The following BACH1 variants were observed in gnomAD, a reference collection of about 807,000 sequenced individuals.
BACH1 encodes the protein transcription regulator protein BACH1.
A neutral mutation model predicts 52.9 loss-of-function variants in BACH1; 35 were observed. That is an observed-to-expected ratio of 0.66 (90% CI 0.51 to 0.88). The LOEUF (loss-of-function observed/expected upper bound fraction) is 0.88. Among genes scored for constraint, BACH1 ranks in the 40% least tolerant of loss-of-function variants. BACH1 has a pLI of 0.00. For synonymous variants in BACH1, 321 were observed against 319.6 expected (o/e 1.00, Z -0.05); for missense variants, 808 against 872.6 (o/e 0.93, Z 0.93).
intron 1 of BACH1, among the ~76,000 whole-genome samples, chr21:29,318,277 A>G (rs1004660396): frequency 6.6e-6 from 1 of 152,160 alleles, no homozygotes; most frequent in South Asian, 2.1e-4. Flanking sequence ...GCTGATGCCG[A>G]TGGAGAGAGG....
chr21:29,304,716 G>A (rs2088636918), intron 1 of BACH1, among the ~76,000 whole-genome samples: 1 of 152,052 alleles, frequency 6.6e-6, no homozygotes, highest in Admixed American at 6.5e-5. Flanking sequence ...CAGGACCCTA[G>A]GGAGGTGTTT....
intron 1 of BACH1, among the ~76,000 whole-genome samples, chr21:29,299,195 CT>C (rs770658456): frequency 6.6e-6 from 1 of 151,640 alleles, no homozygotes; most frequent in East Asian, 1.9e-4. Flanking sequence ...GCCGAACCCC[CT>C]GCACTGCCGG....
downstream of BACH1, among the ~76,000 whole-genome samples, chr21:29,346,662 C>T (rs2089170396): frequency 6.6e-6 from 1 of 152,168 alleles, no homozygotes; most frequent in South Asian, 2.1e-4. Context: ...CAGGACAGCC[C>T]TCACAACAAT....
downstream of BACH1, among the ~76,000 whole-genome samples, chr21:29,349,996 C>T (rs1383961418): frequency 6.6e-6 from 1 of 152,104 alleles, no homozygotes; most frequent in Non-Finnish European, 1.5e-5. Flanking sequence ...ACCAGCCTCT[C>T]CAAAGGCCTA....
chr21:29,358,041 C>T (rs946730628), intron 2 of BACH1, among the ~76,000 whole-genome samples: 8 of 152,174 alleles, frequency 5.3e-5, no homozygotes, highest in Non-Finnish European at 2.9e-5. Flanking sequence ...CTGCCCTTTC[C>T]TTATACTTCC....
chr21:29,342,954 T>C lies in BACH1; in HGVS notation c.*121T>C, dbSNP rs425989. 0.44 allele frequency: 424,019 copies of C among 966,464 alleles called. 96,339 individuals carry two copies. Among genetic ancestry groups the C allele is most frequent in the African/African-American group, 0.62 (37,860 of 60,968 alleles). 59.9% of individuals were successfully genotyped at this position (966,464 alleles called of 1,614,324 possible). On this transcript the variant is annotated 3_prime_UTR_variant, in exon 5 of 5. Transcript: ENST00000286800. ...GTTTTTTTCCTTTAGTAGTTTACCA[T>C]AAGGGAATTTCCTTTAAGTCAACCA...
At chr21:29,304,840 AAGTGT>A in intron 1 of BACH1, among the ~76,000 whole-genome samples, 1 of 152,288 alleles carries the variant, frequency 6.6e-6, no homozygotes, top group African/African-American at 2.4e-5. Context: ...TCATTTTCTA[AAGTGT>A]GCCAGCGTCT....
At chr21:29,359,729 CA>C (rs1045407455) in intron 2 of BACH1, among the ~76,000 whole-genome samples, 1 of 152,068 alleles carries the variant, frequency 6.6e-6, no homozygotes, top group Non-Finnish European at 1.5e-5. Context: ...AAAAAAGCTA[CA>C]TACCTCCCTC....
intron 2 of BACH1, 90 bp from the exon 3 acceptor site, chr21:29,325,969 A>G (rs1415562948): frequency 8.1e-7 from 1 of 1,235,718 alleles, no homozygotes; most frequent in Non-Finnish European, 1.1e-6. Context: ...AATAAGTTAC[A>G]TATCTCTCTA....
At chr21:29,337,478 T>C (rs984852381) in intron 4 of BACH1, among the ~76,000 whole-genome samples, 1 of 152,266 alleles carries the variant, frequency 6.6e-6, no homozygotes, top group African/African-American at 2.4e-5. Flanking sequence ...TGTCTTCACT[T>C]CTGTGTTTAT....
intron 2 of BACH1, among the ~76,000 whole-genome samples, chr21:29,359,642 G>A (rs1307479243): frequency 1.3e-5 from 2 of 151,836 alleles, no homozygotes; most frequent in African/African-American, 4.8e-5. Context: ...GAAAAGTCAA[G>A]CTGGGAACTG....
Position 29,330,586 on chromosome 21 carries a change from ACT to A in BACH1, c.1776+896_1776+897del, listed in dbSNP as rs146642528. ...AGGAAGCATTGTATGAAAGAGGACA[ACT>A]CTGATAGTACAGGCCAGCTAAAGCT... On this transcript the variant is annotated intron_variant, in intron 4 of 4. Coordinates refer to ENST00000286800, the MANE Select transcript of BACH1 (RefSeq NM_001186.4). Among the ~76,000 whole-genome samples the A allele has an allele frequency of 3.4e-3, 519 of 152,286 alleles. 3 individuals are homozygous for A. The highest frequency in any genetic ancestry group is 0.012 in the African/African-American group (495 of 41,530).
At chr21:29,334,845 C>A (rs905293655) in intron 4 of BACH1, among the ~76,000 whole-genome samples, 2 of 152,126 alleles carry the variant, frequency 1.3e-5, no homozygotes, top group African/African-American at 4.8e-5. Context: ...AAAAATAAAC[C>A]TGTCCTATTC....
intron 4 of BACH1, among the ~76,000 whole-genome samples, chr21:29,332,160 T>C (rs1037326808): frequency 2.0e-5 from 3 of 152,140 alleles, no homozygotes; most frequent in Non-Finnish European, 4.4e-5. Context: ...GGTCTCGATC[T>C]CCTGACCTCG....
intron 2 of BACH1, among the ~76,000 whole-genome samples, chr21:29,355,297 T>A (rs879733019): frequency 1.3e-4 from 20 of 152,158 alleles, no homozygotes; most frequent in Admixed American, 5.2e-4. Context: ...AACCCTTAGC[T>A]AGACACAGAG....
At chr21:29,351,813 G>A in intron 2 of BACH1, 2 of 517,934 alleles carry the variant, frequency 3.9e-6, no homozygotes, top group South Asian at 1.4e-5. Flanking sequence ...GCTAAGATAA[G>A]GTAGGAGAAT....
intron 2 of BACH1, 92 bp downstream of exon 2, chr21:29,321,606 C>A: frequency 3.5e-6 from 4 of 1,151,662 alleles, no homozygotes; most frequent in Non-Finnish European, 4.8e-6. Context: ...GTCTCCTTGT[C>A]AGGTGGCTAT....
chr21:29,342,903 A>G lies in BACH1; in HGVS notation c.*70A>G, dbSNP rs1237378951. The G allele has an allele frequency of 1.4e-5, 20 of 1,429,062 alleles. No individual in the cohort carries two copies. The highest frequency in any genetic ancestry group is 1.7e-5 in the Non-Finnish European group (18 of 1,060,356). 88.5% of individuals were successfully genotyped at this position (1,429,062 alleles called of 1,614,324 possible). ...TTTGGCAGCGTCTTGAAAGCCTAAT[A>G]TGACCATCTGTTGCTCAACAATACT... is the stretch of plus-strand genomic sequence containing the variant. On this transcript the variant is annotated 3_prime_UTR_variant, in exon 5 of 5. Transcript: ENST00000286800.
Position 29,342,693 on chromosome 21 carries a change from G to A in BACH1, c.2071G>A (p.Gly691Ser), listed in dbSNP as rs1569022838. 1 of 1,614,216 alleles carries A rather than the reference G, an allele frequency of 6.2e-7. No homozygotes were observed. Among genetic ancestry groups the A allele is most frequent in the Non-Finnish European group, 8.5e-7 (1 of 1,180,040 alleles). The change falls in exon 5 of 5, where the codon GGC becomes AGC. Residue 691 changes from glycine (G) to serine (S), a missense_variant. By Grantham distance (56) the Gly-to-Ser change is moderately conservative. Transcript: ENST00000286800. ...CTGTGCCAGAGGAAACAGTGAGCCT[G>A]GCTACGCGCGAGGGCAGGAGTCCCA... ...PPCARGNSEP[G>S]YARGQESQQM...
Sources: allele counts gnomAD v4.1 joint callset (sites outside exome capture counted in the v4.1 genomes callset), GRCh38; gene constraint gnomAD v4.1.1; transcripts MANE v1.5; gene names NCBI Gene and HGNC (gene_info 2026-07-23, HGNC 2026-07-21).